The following PUDP variants were observed in gnomAD, a reference collection of about 807,000 sequenced individuals.
PUDP encodes pseudouridine-5'-phosphatase.
In PUDP, 8 loss-of-function variants were observed where a neutral mutation model predicts 9.4. The ratio of observed to expected loss-of-function variants is 0.85; its 90% CI spans 0.50 to 1.53. The LOEUF (loss-of-function observed/expected upper bound fraction) is 1.53, where lower values mean the gene tolerates loss of function less well. Ranked by LOEUF, PUDP falls within the 40% of genes most tolerant of loss-of-function variation. The pLI is 0.00. For synonymous variants in PUDP, 99 were observed against 80.7 expected (o/e 1.23, Z -1.22); for missense variants, 188 against 189.7 (o/e 0.99, Z 0.05).
intron 3 of PUDP, among the ~76,000 whole-genome samples, chrX:6,840,809 G>T (rs923467817): frequency 9.4e-6 from 1 of 106,891 alleles, no homozygotes; most frequent in African/African-American, 3.4e-5. Context: ...CTGCTCAGGT[G>T]GGGGATGTTG....
intron 3 of PUDP, among the ~76,000 whole-genome samples, chrX:6,887,993 A>G (rs1927454987): frequency 8.9e-6 from 1 of 111,937 alleles, no homozygotes; most frequent in South Asian, 3.8e-4. Context: ...GAACGAAGTT[A>G]GGGATTGACA....
At chrX:6,996,443 C>T (rs867644796) in intron 1 of PUDP, among the ~76,000 whole-genome samples, 4 of 110,323 alleles carry the variant, frequency 3.6e-5, no homozygotes, top group Non-Finnish European at 7.6e-5. Context: ...CCCCTGTGCA[C>T]TACCAAGATC....
At chrX:6,784,683 G>C (rs1171103047) in intron 3 of PUDP, among the ~76,000 whole-genome samples, 2 of 112,136 alleles carry the variant, frequency 1.8e-5, no homozygotes, top group Non-Finnish European at 3.8e-5. Flanking sequence ...ATACAGACTT[G>C]CTTCCTGACG....
intron 1 of PUDP, among the ~76,000 whole-genome samples, chrX:6,711,420 A>C (rs188781847): frequency 3.5e-4 from 39 of 111,071 alleles, no homozygotes; most frequent in African/African-American, 1.2e-3. Context: ...GGGTCTTAGG[A>C]TCTACAGTCA....
At chrX:6,842,641 T>C (rs1222213430) in intron 3 of PUDP, among the ~76,000 whole-genome samples, 1 of 112,525 alleles carries the variant, frequency 8.9e-6, no homozygotes, top group East Asian at 2.8e-4. Context: ...AAAAGTAAAT[T>C]CAAAACTTGT....
At chrX:7,029,199 C>A (rs1602721018) in intron 1 of PUDP, among the ~76,000 whole-genome samples, 2 of 111,876 alleles carry the variant, frequency 1.8e-5, no homozygotes, top group East Asian at 5.6e-4. Context: ...CACAACAATT[C>A]TTCTTCTTCC....
intron 3 of PUDP, among the ~76,000 whole-genome samples, chrX:7,052,238 T>G (rs1266051484): frequency 9.0e-6 from 1 of 110,836 alleles, no homozygotes; most frequent in Non-Finnish European, 1.9e-5. Context: ...GGTTTCACCA[T>G]GTTGGCCAGG....
rs377401513 is a variant in PUDP, at chrX:6,908,631, G to A, written c.*247+68502C>T. Reference sequence around the variant, plus strand: ...TGGAATATGACAATAAGGGAAGCTCGCCTGAACCTTGGTGTCGAGTCTTCC... The same window carrying A: ...TGGAATATGACAATAAGGGAAGCTCACCTGAACCTTGGTGTCGAGTCTTCC... On this transcript the variant is annotated intron_variant and NMD_transcript_variant, in intron 3 of 3. Coordinates refer to the PUDP transcript ENST00000655425. Among the ~76,000 whole-genome samples the A allele has an allele frequency of 3.7e-4, 41 of 111,519 alleles. 1 individual carries two copies. Among genetic ancestry groups the A allele is most frequent in the Admixed American group, 2.4e-3 (25 of 10,468 alleles).
chrX:6,768,339 G>A (rs899711143), intron 3 of PUDP, among the ~76,000 whole-genome samples: 3 of 111,772 alleles, frequency 2.7e-5, no homozygotes, highest in Non-Finnish European at 5.6e-5. Flanking sequence ...GTGCCAAGGT[G>A]GACAAACCAC....
chrX:6,791,043 TG>T (rs1293096015), intron 3 of PUDP, among the ~76,000 whole-genome samples: 3 of 111,871 alleles, frequency 2.7e-5, no homozygotes, highest in Non-Finnish European at 3.8e-5. Flanking sequence ...TAGATAAAGT[TG>T]TGGAGGATTG....
chrX:7,036,575 C>A (rs1260915666), intron 1 of PUDP, among the ~76,000 whole-genome samples: 2 of 108,927 alleles, frequency 1.8e-5, no homozygotes, highest in Non-Finnish European at 3.8e-5. Context: ...CCATCTTTTA[C>A]TTTTTGTTCT....
intron 1 of PUDP, among the ~76,000 whole-genome samples, chrX:7,025,659 T>C (rs1224237072): frequency 8.9e-6 from 1 of 111,819 alleles, no homozygotes; most frequent in Non-Finnish European, 1.9e-5. Flanking sequence ...AGCGCCCTAT[T>C]CTAAGAGAGA....
At chrX:6,825,665 A>C (rs1402371943) in intron 3 of PUDP, among the ~76,000 whole-genome samples, 1 of 110,381 alleles carries the variant, frequency 9.1e-6, no homozygotes, top group African/African-American at 3.3e-5. Context: ...GCAGCATTCA[A>C]ACAAGAGGAA....
rs947415319 is a variant in PUDP at position 6,850,114 on chromosome X, A to T, written c.*247+127019T>A. Among the ~76,000 whole-genome samples the T allele has an allele frequency of 1.0e-4, 10 of 97,851 alleles. No individual in the cohort carries two copies. In the East Asian group the frequency reaches 2.1e-3, roughly 20 times the overall value. The allele number at this position is 97,851 out of a possible 115,157, so 85.0% of individuals were successfully genotyped here. On this transcript the variant is annotated intron_variant and NMD_transcript_variant, in intron 3 of 3. Coordinates refer to the PUDP transcript ENST00000655425. ...TTCTAGAAGGGGCAAGACATAAATTAAAAAAAAAAAAGGAGATTGGAATTC... is the reference window on the plus strand; with the variant it reads ...TTCTAGAAGGGGCAAGACATAAATTTAAAAAAAAAAAGGAGATTGGAATTC...
intron 1 of PUDP, among the ~76,000 whole-genome samples, chrX:7,135,129 T>TCAAGG (rs1353648903): frequency 1.2e-4 from 13 of 111,431 alleles, no homozygotes; most frequent in Non-Finnish European, 1.3e-4. Flanking sequence ...AACCTCCAGT[T>TCAAGG]TCCTAAGACC....
At chrX:7,011,744 C>T (rs1178590598) in intron 1 of PUDP, among the ~76,000 whole-genome samples, 1 of 112,244 alleles carries the variant, frequency 8.9e-6, no homozygotes, top group East Asian at 2.8e-4. Flanking sequence ...CTCGTCAGAG[C>T]ATGTTCACTT....
chrX:6,733,435 C>T (rs1924834870), intron 3 of PUDP, among the ~76,000 whole-genome samples: 1 of 111,402 alleles, frequency 9.0e-6, no homozygotes, highest in South Asian at 3.8e-4. Flanking sequence ...ATGGGGGCGG[C>T]GCCTCAGAAC....
chrX:6,865,693 A>G (rs1484649942), intron 3 of PUDP, among the ~76,000 whole-genome samples: 2 of 111,796 alleles, frequency 1.8e-5, no homozygotes, highest in East Asian at 5.6e-4. Context: ...TCAGATGCCT[A>G]TATCATGGCA....
intron 3 of PUDP, among the ~76,000 whole-genome samples, chrX:6,755,112 G>C (rs995451303): frequency 7.2e-5 from 8 of 111,493 alleles, no homozygotes; most frequent in Non-Finnish European, 1.3e-4. Context: ...GCTTCATTCA[G>C]GCATGAGTTA....
Sources: allele counts gnomAD v4.1 joint callset (sites outside exome capture counted in the v4.1 genomes callset), GRCh38; gene constraint gnomAD v4.1.1; transcripts MANE v1.5; gene names NCBI Gene and HGNC (gene_info 2026-07-23, HGNC 2026-07-21).